The following SCN3B variants were observed in gnomAD, a reference collection of about 807,000 sequenced individuals.
SCN3B encodes sodium channel regulatory subunit beta-3.
A neutral mutation model predicts 25.4 loss-of-function variants in SCN3B; 11 were observed. That is an observed-to-expected ratio of 0.43 (90% CI 0.27 to 0.72). The LOEUF is 0.72. Ranked by LOEUF, SCN3B falls within the 30% of genes least tolerant of loss-of-function variation. The pLI is 0.18. For missense variants in SCN3B, 218 were observed against 278.3 expected, an observed-to-expected ratio of 0.78 and a Z score of 1.54; for synonymous variants, 109 against 110.7, an observed-to-expected ratio of 0.99 and a Z score of 0.09.
chr11:123,633,707 TG>T lies in SCN3B; in HGVS notation c.*91del. The T allele has an allele frequency of 3.6e-6, 1 of 275,514 alleles. No homozygotes were observed. Among genetic ancestry groups the T allele is most frequent in the Admixed American group, 4.6e-5 (1 of 21,524 alleles). 17.1% of individuals were successfully genotyped at this position (275,514 alleles called of 1,614,324 possible). ...GCATGAAGGGAAGCGATGGGGCCCT[TG>T]GGGCGCCCTCCTGATGCCATTGACA... On this transcript the variant is annotated 3_prime_UTR_variant, in exon 7 of 7. Transcript: ENST00000299333.
At chr11:123,633,923 A>C in intron 6 of SCN3B, 147 bp from the exon 7 acceptor site, 1 of 552,608 alleles carries the variant, frequency 1.8e-6, no homozygotes, top group East Asian at 3.4e-5. Context: ...ACTCAGGTCA[A>C]AGCAGTTCAC....
intron 2 of SCN3B, among the ~76,000 whole-genome samples, chr11:123,650,447 G>A (rs1051164377): frequency 2.0e-5 from 3 of 152,176 alleles, no homozygotes; most frequent in African/African-American, 7.2e-5. Context: ...CTGACACCCT[G>A]ACGTGACTTG....
intron 5 of SCN3B, among the ~76,000 whole-genome samples, 187 bp from the exon 6 acceptor site, chr11:123,634,393 C>T (rs1011968884): frequency 3.3e-5 from 5 of 152,208 alleles, no homozygotes; most frequent in African/African-American, 4.8e-5. Context: ...TATATGTACA[C>T]GAACACCCAC....
intron 2 of SCN3B, among the ~76,000 whole-genome samples, 190 bp downstream of exon 2, chr11:123,653,557 C>T (rs891211030): frequency 2.6e-5 from 4 of 152,044 alleles, no homozygotes; most frequent in Non-Finnish European, 5.9e-5. Flanking sequence ...CGGGGAAGGG[C>T]GGTGGGGAGG....
In SCN3B at chr11:123,646,563, C is replaced by T. The variant is rs182923628; in HGVS notation, c.56-813G>A. 3.7e-3 allele frequency among the ~76,000 whole-genome samples: 557 copies of T among 152,314 alleles called. 1 individual carries two copies. Among genetic ancestry groups the T allele is most frequent in the Non-Finnish European group, 5.5e-3 (377 of 68,036 alleles). ...CACTAAGCTGGAACAATGGTCTATG[C>T]AGAGGAGTATAGCAAGGCAAGTTAA... On this transcript the variant is annotated intron_variant, in intron 2 of 6. Transcript: ENST00000299333.
rs368979661 is a variant in SCN3B at position 123,645,701 on chromosome 11, G to A, written c.105C>T (p.Ala35=). 84 of 1,614,080 alleles carry A rather than the reference G, an allele frequency of 5.2e-5. 1 individual carries two copies. Among genetic ancestry groups the A allele is most frequent in the East Asian group, 5.1e-4 (23 of 44,866 alleles). The change falls in exon 3 of 7, where the codon GCC becomes GCT. Residue 35 remains alanine, a synonymous_variant. Transcript: ENST00000299333. ...GCAGCTTCATGGGGTTGCCCTGCAC[G>A]GCCTCCGTCTCCGAGGGCACTTCCA... The part of the protein sequence containing the change: ...VCVEVPSETE[A]VQGNPMKLRC...
At chr11:123,646,939 TAA>T (rs1741263506) in intron 2 of SCN3B, among the ~76,000 whole-genome samples, 1 of 151,996 alleles carries the variant, frequency 6.6e-6, no homozygotes, top group African/African-American at 2.4e-5. Flanking sequence ...GATCTGGAGA[TAA>T]AGTCTGGTGA....
chr11:123,637,000 GCTTT>G (rs1233422298), intron 5 of SCN3B, among the ~76,000 whole-genome samples: 4 of 152,142 alleles, frequency 2.6e-5, no homozygotes, highest in Non-Finnish European at 4.4e-5. Flanking sequence ...CCAAAATGAT[GCTTT>G]CTTTATCAAA....
At position 123,642,665 on chromosome 11, in the gene SCN3B, C is replaced by G; in HGVS notation, c.226G>C (p.Glu76Gln). The G allele has an allele frequency of 6.2e-7, 1 of 1,613,460 alleles. No individual in the cohort carries two copies. Among genetic ancestry groups the G allele is most frequent in the Non-Finnish European group, 8.5e-7 (1 of 1,179,626 alleles). ...PEGGKDFLIY[E>Q]YRNGHQEVES... ...ACCTCCTGGTGGCCATTCCGATACT[C>G]GTAAATCTGCAGATAGAGGAGCAGA... Residue 76 changes from glutamate (E) to glutamine (Q), a missense_variant, in exon 4 of 7, where the codon GAG (glutamate) becomes CAG (glutamine). By Grantham distance (29) the Glu-to-Gln change is conservative (BLOSUM62 2). Coordinates refer to ENST00000299333, the MANE Select transcript of SCN3B (RefSeq NM_001040151.2). This position sits in a 1 kb window ranked among gnomAD's most constrained non-coding sequence, Gnocchi z 4.3.
At position 123,638,295 on chromosome 11, in the gene SCN3B, C is replaced by T. The variant is rs1336707193; in HGVS notation, c.475G>A (p.Glu159Lys). 6.2e-7 allele frequency: 1 copy of T among 1,614,124 alleles called. No individual in the cohort carries two copies. The highest frequency in any genetic ancestry group is 8.5e-7 in the Non-Finnish European group (1 of 1,180,036). The change falls in exon 5 of 7, where the codon GAA (glutamate) becomes AAA (lysine). Residue 159 changes from glutamate to lysine, a missense_variant. Physicochemically the swap from Glu to Lys is moderately conservative, Grantham distance 56. Coordinates refer to ENST00000299333, the MANE Select transcript of SCN3B (RefSeq NM_001040151.2). Reference protein sequence around the residue: ...AGEDFTSVVSEIMMYILLVFL... With the variant: ...AGEDFTSVVSKIMMYILLVFL... Reference sequence around the variant, plus strand: ...ACCAGAAGGATGTACATCATGATTTCTGAGACCACAGAGGTGAAGTCCTCT... The same window carrying T: ...ACCAGAAGGATGTACATCATGATTTTTGAGACCACAGAGGTGAAGTCCTCT...
In SCN3B at chr11:123,633,198, C is replaced by A. The variant is rs906484965; in HGVS notation, c.*601G>T. The stretch of plus-strand genomic sequence containing the variant: ...GGATCTAGCTCTGGAGTACTAAGCT[C>A]CAGAGAGCATGTTAGTCCATGCTTC... On this transcript the variant is annotated 3_prime_UTR_variant, in exon 7 of 7. Transcript: ENST00000299333. The A allele has an allele frequency of 1.3e-5, 2 of 152,194 alleles. No individual in the cohort carries two copies. The highest frequency in any genetic ancestry group is 4.8e-5 in the African/African-American group (2 of 41,446). The allele number at this position is 152,194 out of a possible 1,614,324, so 9.4% of individuals were successfully genotyped here.
At chr11:123,653,184 G>T (rs1955947075) in intron 2 of SCN3B, among the ~76,000 whole-genome samples, 2 of 152,014 alleles carry the variant, frequency 1.3e-5, no homozygotes, top group Non-Finnish European at 2.9e-5. Flanking sequence ...AAAGAAAGAT[G>T]CATTTCACAG....
rs761368534 is a variant in SCN3B at position 123,654,602 on chromosome 11, C to G, written c.-402G>C. The G allele has an allele frequency of 1.3e-5, 2 of 152,896 alleles. No individual in the cohort carries two copies. Among genetic ancestry groups the G allele is most frequent in the Non-Finnish European group, 2.9e-5 (2 of 68,624 alleles). The allele number at this position is 152,896 out of a possible 1,614,324, so 9.5% of individuals were successfully genotyped here. On this transcript the variant is annotated 5_prime_UTR_variant, in exon 1 of 7. Transcript: ENST00000299333. ...CCCCAGGCCGTGTGTGCTGTCAGCC[C>G]TGACATGCGCAGGCGGCTCTCCGCC...
chr11:123,633,891 G>A lies in SCN3B; in HGVS notation c.*23-115C>T. 8 of 474,816 alleles carry A rather than the reference G, an allele frequency of 1.7e-5. 1 individual carries two copies. Among genetic ancestry groups the A allele is most frequent in the Non-Finnish European group, 2.8e-5 (7 of 254,474 alleles). The allele number at this position is 474,816 out of a possible 1,614,324, so 29.4% of individuals were successfully genotyped here. ...AGAATCCTGTGCCTCTGTTACCATG[G>A]GCAAGTTCAGATTGCCTCGACACTC... On this transcript the variant is annotated intron_variant, in intron 6 of 6. Coordinates refer to ENST00000299333, the MANE Select transcript of SCN3B (RefSeq NM_001040151.2).
At chr11:123,647,810 C>T (rs528818349) in intron 2 of SCN3B, among the ~76,000 whole-genome samples, 1 of 152,276 alleles carries the variant, frequency 6.6e-6, no homozygotes, top group South Asian at 2.1e-4. Context: ...AAACTAGTGG[C>T]ACTAGAATTA....
In SCN3B at chr11:123,630,908, A is replaced by G. The variant is rs1244546783; in HGVS notation, c.*2891T>C. ...GTCTAAGTGGAAAGAGAACTGAAAG[A>G]GGAGTCAGAAGACCTGGATTCTTGC... On this transcript the variant is annotated 3_prime_UTR_variant, in exon 7 of 7. Coordinates refer to ENST00000299333, the MANE Select transcript of SCN3B (RefSeq NM_001040151.2). The G allele has an allele frequency of 6.6e-6, 1 of 152,234 alleles. No homozygotes were observed. Among genetic ancestry groups the G allele is most frequent in the Non-Finnish European group, 1.5e-5 (1 of 68,046 alleles). The allele number at this position is 152,234 out of a possible 1,614,324, so 9.4% of individuals were successfully genotyped here.
At chr11:123,645,150 T>C (rs1291028299) in intron 3 of SCN3B, among the ~76,000 whole-genome samples, 1 of 152,282 alleles carries the variant, frequency 6.6e-6, no homozygotes, top group East Asian at 1.9e-4. Context: ...CTCTTTGTCA[T>C]CCCTGTCATT....
rs1487947786 is a variant in SCN3B at position 123,645,740 on chromosome 11, G to A, written c.66C>T (p.Cys22=). ...AGGGCACTTCCACACACACAGGGAA[G>A]CAGACACTGACTGCAGAGAGGACAG... ...SLVLIYWVSV[C]FPVCVEVPSE... Residue 22 remains cysteine (C), a synonymous_variant, in exon 3 of 7, where the codon TGC becomes TGT. Coordinates refer to ENST00000299333, the MANE Select transcript of SCN3B (RefSeq NM_001040151.2). 6 of 1,614,002 alleles carry A rather than the reference G, an allele frequency of 3.7e-6. No homozygotes were observed. The Admixed American group carries it at 5.0e-5, about 13-fold the overall frequency.
At chr11:123,641,075 G>A (rs1005709931) in intron 4 of SCN3B, 4 of 152,266 alleles carry the variant, frequency 2.6e-5, no homozygotes, top group South Asian at 2.1e-4. Context: ...AGGTGGAGAC[G>A]GCTGAGCACT....
Sources: gnomAD v4.1 joint callset for allele counts (sites outside exome capture counted in the v4.1 genomes callset) on GRCh38, gnomAD v4.1.1 for gene constraint, Gnocchi (gnomAD v3.1) non-coding constraint, MANE v1.5 for transcripts, NCBI Gene and HGNC (gene_info 2026-07-23, HGNC 2026-07-21) for gene names.